Variants in PCSK2 observed in about 807,000 individuals in gnomAD.
The protein encoded by PCSK2 is neuroendocrine convertase 2.
Under a neutral mutation model 69.7 loss-of-function variants are expected in PCSK2, and 14 were observed. The observed-to-expected ratio is 0.20, with a 90% confidence interval of 0.13 to 0.31. The LOEUF is 0.31. Among genes scored for constraint, PCSK2 ranks in the 10% least tolerant of loss-of-function variants. The pLI is 1.00. For missense variants in PCSK2, 544 were observed against 842.5 expected (o/e 0.65, Z 4.39); for synonymous variants, 307 against 320.7 (o/e 0.96, Z 0.46).
At chr20:17,338,187 GTTTTTGT>G (rs1171212094) in intron 2 of PCSK2, among the ~76,000 whole-genome samples, 8 of 147,602 alleles carry the variant, frequency 5.4e-5, no homozygotes, top group Non-Finnish European at 7.5e-5. Flanking sequence ...GGGGGGTTGT[GTTTTTGT>G]TTTTTGTTTT....
intron 2 of PCSK2, among the ~76,000 whole-genome samples, chr20:17,281,847 A>G (rs1988326679): frequency 6.6e-6 from 1 of 152,198 alleles, no homozygotes; most frequent in South Asian, 2.1e-4. Context: ...TCTCATGCTT[A>G]CTGGTCCCAC....
chr20:17,388,350 A>C (rs2031289206), intron 5 of PCSK2, among the ~76,000 whole-genome samples: 1 of 152,116 alleles, frequency 6.6e-6, no homozygotes, highest in African/African-American at 2.4e-5. Context: ...TGAACAAGAA[A>C]GGAGGCAGGG....
At chr20:17,475,449 G>A (rs879392089) in intron 11 of PCSK2, among the ~76,000 whole-genome samples, 1 of 152,048 alleles carries the variant, frequency 6.6e-6, no homozygotes, top group Non-Finnish European at 1.5e-5. Context: ...TCCATCATAA[G>A]AAGTCATCTC....
chr20:17,299,873 C>T (rs1019751987), intron 2 of PCSK2, among the ~76,000 whole-genome samples: 1 of 152,192 alleles, frequency 6.6e-6, no homozygotes, highest in African/African-American at 2.4e-5. Context: ...TAGAAAAACA[C>T]TCTTTCCCCT....
chr20:17,266,950 C>T (rs959950116), intron 2 of PCSK2, among the ~76,000 whole-genome samples: 5 of 152,178 alleles, frequency 3.3e-5, no homozygotes, highest in Non-Finnish European at 5.9e-5. Context: ...AAGAGGAAAT[C>T]TGGAGAGTGC....
At chr20:17,264,604 T>A (rs2123008259) in intron 2 of PCSK2, among the ~76,000 whole-genome samples, 1 of 152,352 alleles carries the variant, frequency 6.6e-6, no homozygotes, top group Non-Finnish European at 1.5e-5. Context: ...TTCAAGATAC[T>A]GCCAATAACC....
At chr20:17,330,412 C>G (rs995631891) in intron 2 of PCSK2, among the ~76,000 whole-genome samples, 1 of 151,764 alleles carries the variant, frequency 6.6e-6, no homozygotes, top group Non-Finnish European at 1.5e-5. Context: ...ACCAACATGG[C>G]GAAACCCCGT....
At chr20:17,388,407 C>A (rs1217754902) in intron 5 of PCSK2, among the ~76,000 whole-genome samples, 1 of 152,028 alleles carries the variant, frequency 6.6e-6, no homozygotes, top group African/African-American at 2.4e-5. Flanking sequence ...TGCCAAAGAG[C>A]TGTTATGGTT....
chr20:17,422,474 A>G (rs780855276), intron 6 of PCSK2, among the ~76,000 whole-genome samples: 2 of 152,216 alleles, frequency 1.3e-5, no homozygotes, highest in Non-Finnish European at 2.9e-5. Context: ...GAACAATATA[A>G]AGATATCATA....
At chr20:17,270,136 A>G (rs944215341) in intron 2 of PCSK2, among the ~76,000 whole-genome samples, 2 of 152,152 alleles carry the variant, frequency 1.3e-5, no homozygotes, top group Admixed American at 1.3e-4. Flanking sequence ...TAGCTACTGA[A>G]TATTTCTAAG....
intron 7 of PCSK2, among the ~76,000 whole-genome samples, chr20:17,433,812 T>TC (rs1555795286): frequency 1.9e-5 from 2 of 104,132 alleles, no homozygotes; most frequent in Non-Finnish European, 3.8e-5. Context: ...TCTCTCTCTC[T>TC]CCCCCCACTT....
intron 7 of PCSK2, among the ~76,000 whole-genome samples, chr20:17,432,593 AAAC>A (rs1319483971): frequency 2.0e-5 from 3 of 152,232 alleles, no homozygotes; most frequent in Non-Finnish European, 4.4e-5. Context: ...ATTTTTAAGT[AAAC>A]AACATCTTCA....
intron 6 of PCSK2, among the ~76,000 whole-genome samples, chr20:17,414,921 C>T (rs1248710821): frequency 6.6e-6 from 1 of 152,168 alleles, no homozygotes; most frequent in Non-Finnish European, 1.5e-5. Context: ...ATAAACAGAA[C>T]CAATGACAAA....
intron 2 of PCSK2, among the ~76,000 whole-genome samples, chr20:17,330,921 C>T (rs919791531): frequency 6.6e-6 from 1 of 152,160 alleles, no homozygotes; most frequent in African/African-American, 2.4e-5. Flanking sequence ...TGAGAAAGAG[C>T]TCTTTCTTCA....
At chr20:17,349,098 G>A (rs1368719630) in intron 2 of PCSK2, among the ~76,000 whole-genome samples, 1 of 152,218 alleles carries the variant, frequency 6.6e-6, no homozygotes, top group Non-Finnish European at 1.5e-5. Flanking sequence ...TCAGCCCTCA[G>A]TAAGTGTCAG....
chr20:17,480,320 G>T (rs1347353425), intron 11 of PCSK2, among the ~76,000 whole-genome samples: 1 of 150,950 alleles, frequency 6.6e-6, no homozygotes, highest in African/African-American at 2.4e-5. Flanking sequence ...CTCCCAAGTA[G>T]CTGGGACTAC....
At chr20:17,234,771 A>G (rs535394658) in intron 1 of PCSK2, among the ~76,000 whole-genome samples, 113 of 152,330 alleles carry the variant, frequency 7.4e-4, no homozygotes, top group African/African-American at 2.7e-3. Context: ...TGCTATAGTT[A>G]GGTTCACAAT....
At chr20:17,243,489 T>C (rs1986659694) in intron 1 of PCSK2, among the ~76,000 whole-genome samples, 1 of 152,196 alleles carries the variant, frequency 6.6e-6, no homozygotes, top group African/African-American at 2.4e-5. Context: ...CCACCATACC[T>C]GGCCTTGTTT....
intron 10 of PCSK2, among the ~76,000 whole-genome samples, chr20:17,460,325 G>C (rs1043669564): frequency 6.6e-6 from 1 of 152,186 alleles, no homozygotes; most frequent in African/African-American, 2.4e-5. Flanking sequence ...CCATGTTGAA[G>C]GGGTTTTCCA....
Sources: gnomAD v4.1 joint callset for allele counts (sites outside exome capture counted in the v4.1 genomes callset) on GRCh38, gnomAD v4.1.1 for gene constraint, MANE v1.5 for transcripts, NCBI Gene and HGNC (gene_info 2026-07-23, HGNC 2026-07-21) for gene names.